CAMTA1: variants seen among roughly 807,000 people sequenced by gnomAD.
CAMTA1 encodes calmodulin binding transcription activator 1.
CAMTA1 carries 27 observed loss-of-function variants against 170.9 expected under a neutral mutation model. The ratio of observed to expected loss-of-function variants is 0.16; its 90% CI spans 0.12 to 0.22. CAMTA1 has a LOEUF of 0.22. CAMTA1 is among the 10% of genes least tolerant of loss of function. The probability of loss-of-function intolerance (pLI) is 1.00; values close to 1 mark genes in which losing one functional copy is unlikely to be tolerated. For synonymous variants in CAMTA1, 833 were observed against 891.5 expected (o/e 0.93, Z 1.17); for missense variants, 1,619 against 2,217.2 (o/e 0.73, Z 5.42).
chr1:6,991,757 G>A (rs1012825716), intron 3 of CAMTA1, among the ~76,000 whole-genome samples: 3 of 152,148 alleles, frequency 2.0e-5, no homozygotes, highest in South Asian at 2.1e-4. Flanking sequence ...GGAGTGCAGT[G>A]GAGTGATCTC....
At chr1:7,301,900 C>T (rs1045636488) in intron 5 of CAMTA1, among the ~76,000 whole-genome samples, 3 of 152,146 alleles carry the variant, frequency 2.0e-5, no homozygotes, top group African/African-American at 4.8e-5. Flanking sequence ...CAGGCTTTCT[C>T]GGGCCCCTGG....
At position 7,677,591 on chromosome 1, in the gene CAMTA1, G is replaced by T; in HGVS notation, c.2780-8G>T. The T allele has an allele frequency of 6.2e-7, 1 of 1,612,154 alleles. No individual in the cohort carries two copies. The highest frequency in any genetic ancestry group is 8.5e-7 in the Non-Finnish European group (1 of 1,179,112). On this transcript the variant is annotated splice_region_variant and splice_polypyrimidine_tract_variant and intron_variant, in intron 10 of 22. Transcript: ENST00000303635. ...TCCCTTGACCTGGTCTTTTTCTCTC[G>T]CTTTCAGCCCATGACACTGGTCTTG... is the stretch of plus-strand genomic sequence containing the variant.
At chr1:7,546,933 TAATA>T (rs2094701743) in intron 6 of CAMTA1, among the ~76,000 whole-genome samples, 1 of 152,258 alleles carries the variant, frequency 6.6e-6, no homozygotes, top group African/African-American at 2.4e-5. Context: ...TGTTTGTAGT[TAATA>T]AATATTTTGT....
intron 4 of CAMTA1, among the ~76,000 whole-genome samples, chr1:7,157,548 T>C (rs1646968061): frequency 6.6e-6 from 1 of 152,084 alleles, no homozygotes; most frequent in African/African-American, 2.4e-5. Flanking sequence ...GAGGATACCA[T>C]AAGCTGGCAA....
At chr1:7,557,590 TA>T (rs1311792123) in intron 6 of CAMTA1, among the ~76,000 whole-genome samples, 5 of 152,220 alleles carry the variant, frequency 3.3e-5, no homozygotes, top group African/African-American at 1.2e-4. Flanking sequence ...ATTGGTGAAG[TA>T]ATACACATTC....
chr1:7,490,378 G>A (rs565692146), intron 6 of CAMTA1, among the ~76,000 whole-genome samples: 189 of 152,304 alleles, frequency 1.2e-3, no homozygotes, highest in Middle Eastern at 3.4e-3. Flanking sequence ...TTGGCCGGGC[G>A]CGATGGCTCA....
intron 4 of CAMTA1, among the ~76,000 whole-genome samples, chr1:7,136,757 A>G (rs528408196): frequency 6.6e-6 from 1 of 152,272 alleles, no homozygotes; most frequent in East Asian, 1.9e-4. Context: ...GTGGCATTTG[A>G]CATGACTGGC....
chr1:7,009,068 C>A (rs1699417995), intron 3 of CAMTA1, among the ~76,000 whole-genome samples: 1 of 152,184 alleles, frequency 6.6e-6, no homozygotes, highest in Non-Finnish European at 1.5e-5. Flanking sequence ...CTGCCAGGAC[C>A]TGGGGAGAGC....
chr1:6,898,871 G>C (rs1233642789), intron 3 of CAMTA1, among the ~76,000 whole-genome samples: 1 of 152,138 alleles, frequency 6.6e-6, no homozygotes, highest in African/African-American at 2.4e-5. Flanking sequence ...GCCAACATGG[G>C]GCCCCCTGGT....
intron 4 of CAMTA1, among the ~76,000 whole-genome samples, chr1:7,128,560 A>G (rs183625208): frequency 1.5e-3 from 233 of 152,318 alleles, no homozygotes; most frequent in Non-Finnish European, 2.1e-3. Context: ...GGGCTAAGAA[A>G]AGTCAGATCA....
intron 6 of CAMTA1, among the ~76,000 whole-genome samples, chr1:7,606,122 T>A (rs1284945184): frequency 6.6e-6 from 1 of 152,130 alleles, no homozygotes; most frequent in Non-Finnish European, 1.5e-5. Flanking sequence ...GACTGACCAG[T>A]GTAGTCGGTG....
rs528498408 is a variant in CAMTA1 at position 7,117,218 on chromosome 1, G to A, written c.302+25847G>A. ...ACTCCTGACCTCAGGTGATCCGCCCGCCTCAGCCTCCCAAAGTGCCGGGAT... is the reference window on the plus strand; with the variant it reads ...ACTCCTGACCTCAGGTGATCCGCCCACCTCAGCCTCCCAAAGTGCCGGGAT... On this transcript the variant is annotated intron_variant, in intron 4 of 22. Transcript: ENST00000303635. 5.3e-5 allele frequency among the ~76,000 whole-genome samples: 8 copies of A among 152,202 alleles called. No homozygotes were observed. In the East Asian group the frequency reaches 7.7e-4, roughly 15 times the overall value.
chr1:7,428,698 C>T (rs2091997811), intron 5 of CAMTA1, among the ~76,000 whole-genome samples: 1 of 152,184 alleles, frequency 6.6e-6, no homozygotes. Context: ...CATCCCCTCT[C>T]CCTCATCCAT....
chr1:7,035,248 A>C lies in CAMTA1; in HGVS notation c.235-56056A>C, dbSNP rs77576063. ...AAACCCCATCTCTACTAAATGCAAA[A>C]AATAAGCCGGGTGTGGTGGCACGCG... On this transcript the variant is annotated intron_variant, in intron 3 of 22. Coordinates refer to ENST00000303635, the MANE Select transcript of CAMTA1 (RefSeq NM_015215.4). Among the ~76,000 whole-genome samples, 1,302 of 152,152 alleles carry C rather than the reference A, an allele frequency of 8.6e-3. 18 individuals carry two copies. Among genetic ancestry groups the C allele is most frequent in the African/African-American group, 0.029 (1,202 of 41,506 alleles).
rs1028479845 is a variant in CAMTA1, at chr1:7,234,469, C to G, written c.303-15022C>G. On this transcript the variant is annotated intron_variant, in intron 4 of 22. Coordinates refer to ENST00000303635, the MANE Select transcript of CAMTA1 (RefSeq NM_015215.4). This position sits in a 1 kb window ranked among gnomAD's most constrained non-coding sequence, Gnocchi z 5.0. The stretch of plus-strand genomic sequence containing the variant: ...GCCTCTGTGCGTCATTGTTCTTCCT[C>G]CCTACCGGACTGCAAGCTGTGCAGA... 1.3e-5 allele frequency among the ~76,000 whole-genome samples: 2 copies of G among 152,240 alleles called. No homozygotes were observed. The highest frequency in any genetic ancestry group is 4.8e-5 in the African/African-American group (2 of 41,468).
chr1:7,749,305 T>C (rs1013365970), intron 19 of CAMTA1, among the ~76,000 whole-genome samples: 4 of 152,110 alleles, frequency 2.6e-5, no homozygotes, highest in Non-Finnish European at 5.9e-5. Flanking sequence ...TTAAGCCCTA[T>C]TAATGGGGGT....
At chr1:7,398,193 C>CTCTATA (rs1557651862) in intron 5 of CAMTA1, among the ~76,000 whole-genome samples, 2 of 16,896 alleles carry the variant, frequency 1.2e-4, no homozygotes, top group African/African-American at 1.9e-4. Flanking sequence ...CTCTCTCTCT[C>CTCTATA]TATATATATA....
intron 6 of CAMTA1, among the ~76,000 whole-genome samples, chr1:7,589,370 TGAG>T (rs2095337727): frequency 6.6e-6 from 1 of 152,216 alleles, no homozygotes; most frequent in African/African-American, 2.4e-5. Context: ...GTTCAGGTGT[TGAG>T]GAGCAGATGT....
intron 6 of CAMTA1, among the ~76,000 whole-genome samples, chr1:7,481,347 A>G (rs911489535): frequency 1.3e-4 from 20 of 152,342 alleles, no homozygotes; most frequent in African/African-American, 4.8e-4. Flanking sequence ...CTCTCCAGCC[A>G]TACTGGCTTC....
Sources: gnomAD v4.1 joint callset for allele counts (sites outside exome capture counted in the v4.1 genomes callset) on GRCh38, gnomAD v4.1.1 for gene constraint, Gnocchi (gnomAD v3.1) non-coding constraint, MANE v1.5 for transcripts, NCBI Gene and HGNC (gene_info 2026-07-23, HGNC 2026-07-21) for gene names.